Variants in FIGNL1 observed in about 807,000 individuals in gnomAD.
FIGNL1 encodes the protein fidgetin-like protein 1.
Under a neutral mutation model 28.9 loss-of-function variants are expected in FIGNL1, and 11 were observed. The observed-to-expected ratio is 0.38, with a 90% CI of 0.24 to 0.63. The LOEUF (loss-of-function observed/expected upper bound fraction) is 0.63, where lower values mean the gene tolerates loss of function less well. FIGNL1 is among the 20% of genes least tolerant of loss of function. The probability of loss-of-function intolerance (pLI) is 0.57; values close to 1 mark genes in which losing one functional copy is unlikely to be tolerated. For synonymous variants in FIGNL1, 295 were observed against 276.5 expected (o/e 1.07, Z -0.66); for missense variants, 789 against 810.4 (o/e 0.97, Z 0.32).
intron 3 of FIGNL1, 95 bp from the exon 4 acceptor site, chr7:50,447,392 G>T (rs894515399): frequency 2.5e-6 from 2 of 812,132 alleles, no homozygotes; most frequent in Admixed American, 3.3e-5. Flanking sequence ...TGAAGGAAGG[G>T]ACACTGGACT....
chr7:50,445,458 CTG>C lies in FIGNL1; in HGVS notation c.1828_1829del (p.Gln610AlafsTer17), dbSNP rs1167221454. The C allele has an allele frequency of 3.1e-6, 5 of 1,613,956 alleles. No homozygotes were observed. Among genetic ancestry groups the C allele is most frequent in the African/African-American group, 1.3e-5 (1 of 74,916 alleles). Reference protein sequence around the residue: ...SDAFSGADMTQLCREASLGPI... With the variant: ...SDAFSGADMTXLCREASLGPI... ...GACCAAGAGAAGCCTCCCTGCAAAGCTGTGTCATGTCTGCTCCTGAAAACGCA... is the reference window on the plus strand; with the variant it reads ...GACCAAGAGAAGCCTCCCTGCAAAGCTGTCATGTCTGCTCCTGAAAACGCA... On this transcript the variant is annotated frameshift_variant, in exon 4 of 4. Coordinates refer to ENST00000433017, the MANE Select transcript of FIGNL1 (RefSeq NM_001287492.4). LOFTEE classifies it high-confidence loss of function.
rs1325154381 is a variant in FIGNL1, at chr7:50,449,273, G to C, written c.-275C>G. On this transcript the variant is annotated 5_prime_UTR_variant, in exon 2 of 4. Coordinates refer to ENST00000433017, the MANE Select transcript of FIGNL1 (RefSeq NM_001287492.4). ...ACCAAAAACTGGCCATCACCGATCAGTGACACAACCATTGTCTTGTTTACC... is the reference window on the plus strand; with the variant it reads ...ACCAAAAACTGGCCATCACCGATCACTGACACAACCATTGTCTTGTTTACC... 6.6e-6 allele frequency: 1 copy of C among 152,120 alleles called. No homozygotes were observed. Among genetic ancestry groups the C allele is most frequent in the South Asian group, 2.1e-4 (1 of 4,826 alleles). 9.4% of individuals were successfully genotyped at this position (152,120 alleles called of 1,614,324 possible). A position where few individuals can be genotyped will look rare whatever the true frequency, so the allele number is the denominator to read the frequency against.
At chr7:50,447,556 A>G (rs1821217455) in intron 3 of FIGNL1, among the ~76,000 whole-genome samples, 1 of 152,200 alleles carries the variant, frequency 6.6e-6, no homozygotes, top group South Asian at 2.1e-4. Flanking sequence ...TTCTAGTTAC[A>G]TAATTTTATC....
intron 1 of FIGNL1, chr7:50,450,011 G>C (rs969618577): frequency 1.3e-5 from 2 of 152,360 alleles, no homozygotes; most frequent in Non-Finnish European, 2.9e-5. Context: ...TCTGCCAAAG[G>C]AAGCCGCCCG....
rs996289734 is a variant in FIGNL1, at chr7:50,449,713, C to G, written c.-715G>C. 3 of 152,234 alleles carry G rather than the reference C, an allele frequency of 2.0e-5. No homozygotes were observed. The highest frequency in any genetic ancestry group is 4.4e-5 in the Non-Finnish European group (3 of 68,046). The allele number at this position is 152,234 out of a possible 1,614,324, so 9.4% of individuals were successfully genotyped here. The stretch of plus-strand genomic sequence containing the variant: ...AGGAAAATCTCTTAATGTCTTTCTG[C>G]CGGTTTTCACCTATAAAAGAAGCGC... On this transcript the variant is annotated 5_prime_UTR_variant, in exon 2 of 4. Coordinates refer to ENST00000433017, the MANE Select transcript of FIGNL1 (RefSeq NM_001287492.4).
chr7:50,445,276 C>A lies in FIGNL1; in HGVS notation c.2012G>T (p.Gly671Val). 1.3e-6 allele frequency: 2 copies of A among 1,563,048 alleles called. No individual in the cohort carries two copies. Among genetic ancestry groups the A allele is most frequent in the Non-Finnish European group, 1.7e-6 (2 of 1,156,060 alleles). ...ELYENWNKTFGCGK is the reference protein window; with the variant it reads ...ELYENWNKTFVCGK Reference sequence around the variant, plus strand: ...CAAGTATCCCACTTACTTTCCACAACCAAAAGTTTTGTTCCAGTTTTCATA... The same window carrying A: ...CAAGTATCCCACTTACTTTCCACAAACAAAAGTTTTGTTCCAGTTTTCATA... The change falls in exon 4 of 4, where the codon GGT becomes GTT. Residue 671 changes from glycine to valine, a missense_variant. Transcript: ENST00000433017.
Position 50,445,379 on chromosome 7 carries a change from G to C in FIGNL1, c.1909C>G (p.Arg637Gly). 1 of 1,614,084 alleles carries C rather than the reference G, an allele frequency of 6.2e-7. No homozygotes were observed. The highest frequency in any genetic ancestry group is 8.5e-7 in the Non-Finnish European group (1 of 1,179,966). Reference sequence around the variant, plus strand: ...TCAAAATCAATGTAAGCTATGGGTCGAACTTGATCCGGTGTTATGGTAGCA... The same window carrying C: ...TCAAAATCAATGTAAGCTATGGGTCCAACTTGATCCGGTGTTATGGTAGCA... ...DIATITPDQV[R>G]PIAYIDFENA... The change falls in exon 4 of 4, where the codon CGA (arginine) becomes GGA (glycine). Residue 637 changes from arginine to glycine, a missense_variant. Transcript: ENST00000433017.
Position 50,446,514 on chromosome 7 carries a change from C to T in FIGNL1, c.774G>A (p.Lys258=), listed in dbSNP as rs1395617475. ...FPAACENPQR[K]SFYGSGTIDA... is the part of the protein sequence containing the mutation. ...CAATGGTGCCAGAACCATAAAAAGA[C>T]TTCCTCTGTGGATTTTCACAGGCAG... The change falls in exon 4 of 4, where the codon AAG becomes AAA. Residue 258 remains lysine, a synonymous_variant. Coordinates refer to ENST00000433017, the MANE Select transcript of FIGNL1 (RefSeq NM_001287492.4). The T allele has an allele frequency of 6.2e-7, 1 of 1,614,198 alleles. No homozygotes were observed. The highest frequency in any genetic ancestry group is 1.3e-5 in the African/African-American group (1 of 75,058).
Position 50,446,054 on chromosome 7 carries a change from T to C in FIGNL1, c.1234A>G (p.Thr412Ala), listed in dbSNP as rs1358134512. 6.2e-7 allele frequency: 1 copy of C among 1,614,072 alleles called. No individual in the cohort carries two copies. The highest frequency in any genetic ancestry group is 2.2e-5 in the East Asian group (1 of 44,894). Reference sequence around the variant, plus strand: ...GGCCACACAACTATTTCCTTTATGGTGGCTTTAGCAAATTCTACTCCTGCA... The same window carrying C: ...GGCCACACAACTATTTCCTTTATGGCGGCTTTAGCAAATTCTACTCCTGCA... ...DIAGVEFAKA[T>A]IKEIVVWPML... The change falls in exon 4 of 4, where the codon ACC (threonine) becomes GCC (alanine). Residue 412 changes from threonine (T) to alanine (A), a missense_variant. Transcript: ENST00000433017.
chr7:50,446,078 C>G lies in FIGNL1; in HGVS notation c.1210G>C (p.Ala404Pro). The part of the protein sequence containing the change: ...HGPPVNWEDI[A>P]GVEFAKATIK... ...GTGGCTTTAGCAAATTCTACTCCTG[C>G]AATATCTTCCCAATTTACTGGAGGT... The change falls in exon 4 of 4, where the codon GCA becomes CCA. Residue 404 changes from alanine (A) to proline (P), a missense_variant. By Grantham distance (27) the Ala-to-Pro change is conservative. Coordinates refer to ENST00000433017, the MANE Select transcript of FIGNL1 (RefSeq NM_001287492.4). 3.1e-6 allele frequency: 5 copies of G among 1,614,186 alleles called. No individual in the cohort carries two copies. The highest frequency in any genetic ancestry group is 4.2e-6 in the Non-Finnish European group (5 of 1,180,030).
chr7:50,449,534 A>G lies in FIGNL1; in HGVS notation c.-536T>C, dbSNP rs1294640719. The G allele has an allele frequency of 1.3e-5, 2 of 152,344 alleles. No homozygotes were observed. The highest frequency in any genetic ancestry group is 6.5e-5 in the Admixed American group (1 of 15,306). 9.4% of individuals were successfully genotyped at this position (152,344 alleles called of 1,614,324 possible). ...AGTGTCCTTTGGAATAATAGCTACT[A>G]AAATACTGACGGAGTGCCTACTCAG... is the stretch of plus-strand genomic sequence containing the variant. On this transcript the variant is annotated 5_prime_UTR_variant, in exon 2 of 4. Transcript: ENST00000433017.
rs753434409 is a variant in FIGNL1, at chr7:50,447,173, A to G, written c.115T>C (p.Leu39=). 6.2e-6 allele frequency: 10 copies of G among 1,614,224 alleles called. No homozygotes were observed. The highest frequency in any genetic ancestry group is 2.2e-5 in the East Asian group (1 of 44,892). The change falls in exon 4 of 4, where the codon TTA becomes CTA. Residue 39 remains leucine, a synonymous_variant. Transcript: ENST00000433017. ...PKADAYRAQI[L]RIQYAWANSE... is the part of the protein sequence containing the mutation. ...TTTGCCCATGCATACTGAATGCGTA[A>G]TATCTGTGCACGGTATGCATCTGCC...
In FIGNL1 at chr7:50,450,324, C is replaced by A. The variant is rs1475591934; in HGVS notation, c.-749G>T. On this transcript the variant is annotated 5_prime_UTR_variant, in exon 1 of 4. Coordinates refer to ENST00000433017, the MANE Select transcript of FIGNL1 (RefSeq NM_001287492.4). ...ACCTGCGGCTGGTGTGGGACGCTGG[C>A]AGCCTCCGAAAAGCGCGGGGACTGA... 6.6e-6 allele frequency: 1 copy of A among 152,470 alleles called. No homozygotes were observed. Among genetic ancestry groups the A allele is most frequent in the Non-Finnish European group, 1.5e-5 (1 of 68,250 alleles). 9.4% of individuals were successfully genotyped at this position (152,470 alleles called of 1,614,324 possible).
Position 50,447,181 on chromosome 7 carries a change from G to T in FIGNL1, c.107C>A (p.Ala36Glu), listed in dbSNP as rs914511493. Reference sequence around the variant, plus strand: ...TGCATACTGAATGCGTAATATCTGTGCACGGTATGCATCTGCCTTCGGTCC... The same window carrying T: ...TGCATACTGAATGCGTAATATCTGTTCACGGTATGCATCTGCCTTCGGTCC... ...CTGPKADAYR[A>E]QILRIQYAWA... Residue 36 changes from alanine to glutamate, a missense_variant, in exon 4 of 4, where the codon GCA becomes GAA. By Grantham distance (107) the Ala-to-Glu change is moderately radical. Coordinates refer to ENST00000433017, the MANE Select transcript of FIGNL1 (RefSeq NM_001287492.4). The T allele has an allele frequency of 1.9e-6, 3 of 1,614,066 alleles. No homozygotes were observed. Among genetic ancestry groups the T allele is most frequent in the Non-Finnish European group, 2.5e-6 (3 of 1,180,034 alleles).
At position 50,445,984 on chromosome 7, in the gene FIGNL1, T is replaced by C; in HGVS notation, c.1304A>G (p.Lys435Arg). 1 of 1,614,144 alleles carries C rather than the reference T, an allele frequency of 6.2e-7. No homozygotes were observed. The highest frequency in any genetic ancestry group is 1.1e-5 in the South Asian group (1 of 91,084). The change falls in exon 4 of 4, where the codon AAA (lysine) becomes AGA (arginine). Residue 435 changes from lysine to arginine, a missense_variant. Coordinates refer to ENST00000433017, the MANE Select transcript of FIGNL1 (RefSeq NM_001287492.4). ...AGGAGGACCAAAGAGCAAAATTCCT[T>C]TAGGGGGTCCCCTTAAACCAGTAAA... ...DIFTGLRGPP[K>R]GILLFGPPGT... is the part of the protein sequence containing the mutation.
At chr7:50,449,751 GA>G in intron 1 of FIGNL1, 28 bp from the exon 2 acceptor site, 1 of 152,234 alleles carries the variant, frequency 6.6e-6, no homozygotes, top group East Asian at 1.9e-4. Flanking sequence ...CAACATCACT[GA>G]GCTGACAAGG....
rs1821570056 is a variant in FIGNL1 at position 50,449,248 on chromosome 7, A to G, written c.-250T>C. The G allele has an allele frequency of 6.6e-6, 1 of 152,212 alleles. No homozygotes were observed. The highest frequency in any genetic ancestry group is 1.5e-5 in the Non-Finnish European group (1 of 68,048). 9.4% of individuals were successfully genotyped at this position (152,212 alleles called of 1,614,324 possible). A position where few individuals can be genotyped will look rare whatever the true frequency, so the allele number is the denominator to read the frequency against. ...ATCATTTAAATGGCAAATAAGGATA[A>G]CCAAAAACTGGCCATCACCGATCAG... is the stretch of plus-strand genomic sequence containing the variant. On this transcript the variant is annotated 5_prime_UTR_variant, in exon 2 of 4. Coordinates refer to ENST00000433017, the MANE Select transcript of FIGNL1 (RefSeq NM_001287492.4).
At position 50,445,066 on chromosome 7, in the gene FIGNL1, T is replaced by G; in HGVS notation, c.*197A>C. 1 of 377,784 alleles carries G rather than the reference T, an allele frequency of 2.6e-6. No homozygotes were observed. The highest frequency in any genetic ancestry group is 4.7e-6 in the Non-Finnish European group (1 of 214,038). The allele number at this position is 377,784 out of a possible 1,614,324, so 23.4% of individuals were successfully genotyped here. On this transcript the variant is annotated 3_prime_UTR_variant, in exon 4 of 4. Coordinates refer to ENST00000433017, the MANE Select transcript of FIGNL1 (RefSeq NM_001287492.4). ...CATTCTCACTTTGTTCAAATAGGCT[T>G]ACGTATCAGGTAATCACTGGAAAGC...
Position 50,444,449 on chromosome 7 carries a change from A to G in FIGNL1, c.*814T>C, listed in dbSNP as rs1467817048. 1 of 152,248 alleles carries G rather than the reference A, an allele frequency of 6.6e-6. No homozygotes were observed. The highest frequency in any genetic ancestry group is 1.5e-5 in the Non-Finnish European group (1 of 68,040). 9.4% of individuals were successfully genotyped at this position (152,248 alleles called of 1,614,324 possible). On this transcript the variant is annotated 3_prime_UTR_variant, in exon 4 of 4. Transcript: ENST00000433017. ...AACATCTGGAAGAATCTATGCTTAA[A>G]TATTAATAGTGTGTCCCGCAAAGTG... is the stretch of plus-strand genomic sequence containing the variant.
Sources: allele counts gnomAD v4.1 joint callset (sites outside exome capture counted in the v4.1 genomes callset), GRCh38; gene constraint gnomAD v4.1.1; transcripts MANE v1.5; gene names NCBI Gene and HGNC (gene_info 2026-07-23, HGNC 2026-07-21).